Variants in CLSTN1 observed in about 807,000 individuals in gnomAD.
CLSTN1 encodes the protein calsyntenin-1.
In CLSTN1, 28 loss-of-function variants were observed where a neutral mutation model predicts 108.3. That is an observed-to-expected ratio of 0.26 (90% CI 0.19 to 0.35). CLSTN1 has a LOEUF of 0.35. Ranked by LOEUF, CLSTN1 falls within the 10% of genes least tolerant of loss-of-function variation. The probability of loss-of-function intolerance (pLI) is 1.00; values close to 1 mark genes in which losing one functional copy is unlikely to be tolerated. For synonymous variants in CLSTN1, 524 were observed against 534.9 expected (o/e 0.98, Z 0.28); for missense variants, 1,157 against 1,302.6 (o/e 0.89, Z 1.72).
intron 1 of CLSTN1, among the ~76,000 whole-genome samples, chr1:9,808,872 C>T (rs1654616403): frequency 6.6e-6 from 1 of 151,874 alleles, no homozygotes; most frequent in Non-Finnish European, 1.5e-5. Flanking sequence ...GCCGGGACTG[C>T]TCTAGCCTGA....
At chr1:9,767,101 G>T (rs1298778724) in intron 2 of CLSTN1, among the ~76,000 whole-genome samples, 1 of 152,222 alleles carries the variant, frequency 6.6e-6, no homozygotes, top group East Asian at 1.9e-4. Context: ...AATATCTATG[G>T]AGTGACTGTG....
intron 2 of CLSTN1, among the ~76,000 whole-genome samples, chr1:9,766,075 AACTG>A (rs1397529745): frequency 6.6e-6 from 1 of 150,922 alleles, no homozygotes; most frequent in Non-Finnish European, 1.5e-5. Context: ...GGTGGGCTCT[AACTG>A]ACTATCAATG....
At chr1:9,769,844 C>A (rs1451104626) in intron 2 of CLSTN1, among the ~76,000 whole-genome samples, 1 of 151,972 alleles carries the variant, frequency 6.6e-6, no homozygotes, top group African/African-American at 2.4e-5. Context: ...AGATTGAGAC[C>A]ACGGTGAAAC....
intron 2 of CLSTN1, among the ~76,000 whole-genome samples, chr1:9,760,794 G>A (rs778242676): frequency 2.0e-5 from 3 of 149,750 alleles, no homozygotes; most frequent in Non-Finnish European, 4.4e-5. Flanking sequence ...CTCCCTCAGA[G>A]CTGGGATTAC....
intron 1 of CLSTN1, among the ~76,000 whole-genome samples, chr1:9,812,863 A>C (rs1464324652): frequency 1.3e-5 from 2 of 151,466 alleles, no homozygotes; most frequent in Admixed American, 6.6e-5. Flanking sequence ...AAAAAAAAAA[A>C]AACAAACAAA....
intron 1 of CLSTN1, among the ~76,000 whole-genome samples, chr1:9,811,377 G>A (rs1483722066): frequency 3.9e-5 from 6 of 152,254 alleles, no homozygotes; most frequent in East Asian, 1.9e-4. Context: ...GGCGGCTCTC[G>A]TACACTTGGG....
chr1:9,803,409 A>G (rs752622592), intron 1 of CLSTN1, among the ~76,000 whole-genome samples: 6 of 152,226 alleles, frequency 3.9e-5, no homozygotes, highest in Non-Finnish European at 8.8e-5. Context: ...CCACGCACAG[A>G]TATTCCATGG....
chr1:9,823,637 G>T lies in CLSTN1; in HGVS notation c.91+6C>A. 1 of 1,179,800 alleles carries T rather than the reference G, an allele frequency of 8.5e-7. No individual in the cohort carries two copies. The highest frequency in any genetic ancestry group is 1.0e-6 in the Non-Finnish European group (1 of 953,002). 73.1% of individuals were successfully genotyped at this position (1,179,800 alleles called of 1,614,324 possible). A position where few individuals can be genotyped will look rare whatever the true frequency, so the allele number is the denominator to read the frequency against. ...CCCAGCGGCCCGGCCCAGCCCCGGGGCTTACCTCGCGCGGCCCAGACCCCG... is the reference window on the plus strand; with the variant it reads ...CCCAGCGGCCCGGCCCAGCCCCGGGTCTTACCTCGCGCGGCCCAGACCCCG... On this transcript the variant is annotated splice_donor_region_variant and intron_variant, in intron 1 of 18. Transcript: ENST00000377298. The surrounding 1 kb of genome is among the most constrained non-coding windows in gnomAD (Gnocchi z 6.3).
At chr1:9,771,260 A>C (rs1192269565) in intron 2 of CLSTN1, among the ~76,000 whole-genome samples, 1 of 152,190 alleles carries the variant, frequency 6.6e-6, no homozygotes, top group Non-Finnish European at 1.5e-5. Flanking sequence ...CAGGTGGATC[A>C]CCTGAGGCCA....
At chr1:9,797,077 G>C (rs1187754622) in intron 1 of CLSTN1, among the ~76,000 whole-genome samples, 3 of 152,190 alleles carry the variant, frequency 2.0e-5, no homozygotes, top group Non-Finnish European at 4.4e-5. Flanking sequence ...GTGTGACAAG[G>C]CTGCTGAGAC....
intron 1 of CLSTN1, among the ~76,000 whole-genome samples, chr1:9,804,801 C>T (rs1654436860): frequency 6.6e-6 from 1 of 152,132 alleles, no homozygotes; most frequent in Non-Finnish European, 1.5e-5. Context: ...CACTGCATTA[C>T]AGCCTGGGCG....
At chr1:9,735,333 G>A in intron 13 of CLSTN1, 134 bp downstream of exon 13, 2 of 1,410,692 alleles carry the variant, frequency 1.4e-6, no homozygotes, top group South Asian at 1.2e-5. Context: ...ATATCACTCA[G>A]CTCTCTGCCC....
intron 2 of CLSTN1, among the ~76,000 whole-genome samples, chr1:9,764,362 C>T (rs948478621): frequency 1.3e-5 from 2 of 152,130 alleles, no homozygotes; most frequent in African/African-American, 4.8e-5. Flanking sequence ...CAGTTAGGGG[C>T]ACCATGGCTC....
At chr1:9,796,992 G>A (rs1330380955) in intron 1 of CLSTN1, among the ~76,000 whole-genome samples, 1 of 152,164 alleles carries the variant, frequency 6.6e-6, no homozygotes, top group Non-Finnish European at 1.5e-5. Flanking sequence ...AAAACATCAA[G>A]CTTGAAGATG....
intron 1 of CLSTN1, 107 bp from the exon 2 acceptor site, chr1:9,773,501 A>T (rs2101162518): frequency 8.1e-7 from 1 of 1,234,636 alleles, no homozygotes. Flanking sequence ...AACTCTCATT[A>T]GGCTTGAAGA....
At chr1:9,810,093 G>T (rs1654671636) in intron 1 of CLSTN1, among the ~76,000 whole-genome samples, 2 of 124,040 alleles carry the variant, frequency 1.6e-5, no homozygotes, top group Non-Finnish European at 3.4e-5. Flanking sequence ...AGAAAGGAAG[G>T]AGGGAGGGAG....
chr1:9,809,838 T>C (rs185831655), intron 1 of CLSTN1, among the ~76,000 whole-genome samples: 3 of 148,028 alleles, frequency 2.0e-5, no homozygotes, highest in African/African-American at 7.5e-5. Context: ...GGGACAGAGG[T>C]TGCAGTGAAC....
chr1:9,783,392 G>A (rs1460889586), intron 1 of CLSTN1, among the ~76,000 whole-genome samples: 3 of 152,012 alleles, frequency 2.0e-5, no homozygotes, highest in African/African-American at 7.2e-5. Context: ...CAGCCTGGGT[G>A]ACAAGGTGTG....
rs763894048 is a variant in CLSTN1, at chr1:9,733,545, G to A, written c.2283C>T (p.Gly761=). 1.4e-5 allele frequency: 22 copies of A among 1,613,776 alleles called. No homozygotes were observed. The highest frequency in any genetic ancestry group is 2.2e-5 in the East Asian group (1 of 44,896). ...CCTCGTAGCTGGCCATGGTGTCCACGCCTGCAGGGGTTGAAAGGGGGAAGA... is the reference window on the plus strand; with the variant it reads ...CCTCGTAGCTGGCCATGGTGTCCACACCTGCAGGGGTTGAAAGGGGGAAGA... The part of the protein sequence containing the change: ...SSSELGMTFT[G]VDTMASYEEV... Residue 761 remains glycine (G), a splice_region_variant and synonymous_variant, in exon 16 of 19, where the codon GGC becomes GGT. Transcript: ENST00000377298.
Sources: allele counts gnomAD v4.1 joint callset (sites outside exome capture counted in the v4.1 genomes callset), GRCh38; gene constraint gnomAD v4.1.1; non-coding constraint Gnocchi (gnomAD v3.1); transcripts MANE v1.5; gene names NCBI Gene and HGNC (gene_info 2026-07-23, HGNC 2026-07-21).